The following MKLN1 variants were observed in gnomAD, a reference collection of about 807,000 sequenced individuals.
MKLN1 encodes the protein muskelin.
A neutral mutation model predicts 99.0 loss-of-function variants in MKLN1; 18 were observed. The observed-to-expected ratio is 0.18, with a 90% confidence interval of 0.13 to 0.27. The LOEUF (loss-of-function observed/expected upper bound fraction) is 0.27, where lower values mean the gene tolerates loss of function less well. Ranked by LOEUF, MKLN1 falls within the 10% of genes least tolerant of loss-of-function variation. MKLN1 has a pLI of 1.00. For synonymous variants in MKLN1, 288 were observed against 293.2 expected (o/e 0.98, Z 0.18); for missense variants, 621 against 875.9 (o/e 0.71, Z 3.67).
At chr7:131,340,418 A>G (rs1799374878) in intron 1 of MKLN1, among the ~76,000 whole-genome samples, 1 of 151,376 alleles carries the variant, frequency 6.6e-6, no homozygotes, top group South Asian at 2.1e-4. Context: ...AGCTGGGACT[A>G]CAGGTGCGCA....
rs981877757 is a variant in MKLN1 at position 131,494,454 on chromosome 7, A to G, written c.*6726A>G. 3 of 152,016 alleles carry G rather than the reference A, an allele frequency of 2.0e-5. No homozygotes were observed. The highest frequency in any genetic ancestry group is 7.3e-5 in the African/African-American group (3 of 41,290). The allele number at this position is 152,016 out of a possible 1,614,324, so 9.4% of individuals were successfully genotyped here. ...TGCCTCAAATAATACCAAGTTATAAATAATACCAAGTAATTATCAACTCAC... is the reference window on the plus strand; with the variant it reads ...TGCCTCAAATAATACCAAGTTATAAGTAATACCAAGTAATTATCAACTCAC... On this transcript the variant is annotated 3_prime_UTR_variant, in exon 18 of 18. Coordinates refer to ENST00000352689, the MANE Select transcript of MKLN1 (RefSeq NM_013255.5).
At chr7:131,461,050 C>G (rs1042595780) in intron 12 of MKLN1, among the ~76,000 whole-genome samples, 1 of 152,140 alleles carries the variant, frequency 6.6e-6, no homozygotes, top group Non-Finnish European at 1.5e-5. Context: ...TCCAGGACCT[C>G]TCTTGGATAC....
At chr7:131,318,665 G>C (rs949705865) in intron 3 of MKLN1, among the ~76,000 whole-genome samples, 2 of 151,962 alleles carry the variant, frequency 1.3e-5, no homozygotes, top group Non-Finnish European at 2.9e-5. Flanking sequence ...TGAATCCAGA[G>C]GTAGTTTTTT....
At chr7:131,414,573 T>C in intron 7 of MKLN1, 72 bp from the exon 8 acceptor site, 2 of 1,060,476 alleles carry the variant, frequency 1.9e-6, no homozygotes, top group Non-Finnish European at 2.8e-6. Flanking sequence ...GATTACAGAC[T>C]TATGAATAAA....
At chr7:131,188,179 A>G (rs2116375527) in intron 2 of MKLN1, among the ~76,000 whole-genome samples, 1 of 152,330 alleles carries the variant, frequency 6.6e-6, no homozygotes, top group South Asian at 2.1e-4. Flanking sequence ...GAATAAATAA[A>G]TAAACATAGT....
At chr7:131,484,436 C>T (rs1330189618) in intron 17 of MKLN1, among the ~76,000 whole-genome samples, 1 of 152,012 alleles carries the variant, frequency 6.6e-6, no homozygotes, top group East Asian at 1.9e-4. Flanking sequence ...TAGTAATAAC[C>T]TTAAGATTAT....
At chr7:131,314,780 A>T (rs2116647285) in intron 3 of MKLN1, among the ~76,000 whole-genome samples, 1 of 152,082 alleles carries the variant, frequency 6.6e-6, no homozygotes, top group East Asian at 1.9e-4. Flanking sequence ...AAGAAAAATA[A>T]AAAAATAGAA....
At chr7:131,477,633 CT>C (rs1406202537) in intron 16 of MKLN1, among the ~76,000 whole-genome samples, 1 of 152,194 alleles carries the variant, frequency 6.6e-6, no homozygotes, top group African/African-American at 2.4e-5. Context: ...TTTATCCCCC[CT>C]TTTCATAACT....
At chr7:131,346,582 C>CA (rs1012732882) in intron 1 of MKLN1, among the ~76,000 whole-genome samples, 3 of 150,916 alleles carry the variant, frequency 2.0e-5, no homozygotes, top group African/African-American at 7.3e-5. Flanking sequence ...ACCTTTGCAA[C>CA]AATTATAAGG....
intron 16 of MKLN1, among the ~76,000 whole-genome samples, chr7:131,477,818 A>G (rs957872343): frequency 4.6e-5 from 7 of 152,360 alleles, no homozygotes; most frequent in African/African-American, 1.7e-4. Context: ...AGTCTTGGGA[A>G]GTGCCAAGTA....
intron 1 of MKLN1, among the ~76,000 whole-genome samples, chr7:131,351,806 G>A (rs1250671404): frequency 1.3e-5 from 2 of 152,166 alleles, no homozygotes; most frequent in African/African-American, 2.4e-5. Flanking sequence ...ATGTGGTGGT[G>A]ACAACTTTTT....
At chr7:131,247,361 A>G (rs1966521) in intron 3 of MKLN1, among the ~76,000 whole-genome samples, 29,957 of 151,384 alleles carry the variant, frequency 0.2, 3,180 homozygotes, top group East Asian at 0.45. Flanking sequence ...TTACAGGCAC[A>G]CGCACCACCA....
At chr7:131,313,400 T>C (rs1798605143) in intron 3 of MKLN1, among the ~76,000 whole-genome samples, 2 of 151,960 alleles carry the variant, frequency 1.3e-5, no homozygotes, top group Non-Finnish European at 2.9e-5. Context: ...TGAACTGAGG[T>C]AAGAAAAACA....
chr7:131,209,085 G>T (rs1376397360), intron 3 of MKLN1, among the ~76,000 whole-genome samples: 2 of 152,174 alleles, frequency 1.3e-5, no homozygotes, highest in Non-Finnish European at 2.9e-5. Flanking sequence ...AGAACAGAAG[G>T]TTCCGACATC....
intron 3 of MKLN1, among the ~76,000 whole-genome samples, chr7:131,299,916 C>T (rs1798350854): frequency 6.6e-6 from 1 of 151,930 alleles, no homozygotes. Flanking sequence ...TTTCCAAAGT[C>T]AATATACTAG....
chr7:131,274,816 T>C (rs1797936538), intron 3 of MKLN1, among the ~76,000 whole-genome samples: 1 of 152,152 alleles, frequency 6.6e-6, no homozygotes, highest in Non-Finnish European at 1.5e-5. Context: ...CTCAGTTTCC[T>C]GCTATGTGAT....
intron 2 of MKLN1, among the ~76,000 whole-genome samples, chr7:131,183,299 G>A (rs1796401483): frequency 6.6e-6 from 1 of 152,142 alleles, no homozygotes. Flanking sequence ...CTGAAAATGA[G>A]GAAATGGCAA....
At chr7:131,446,761 A>AAAAC (rs1320932601) in intron 12 of MKLN1, among the ~76,000 whole-genome samples, 2 of 152,226 alleles carry the variant, frequency 1.3e-5, no homozygotes, top group Non-Finnish European at 2.9e-5. Context: ...AACTTGTTTT[A>AAAAC]AAACAAACAA....
At chr7:131,139,443 G>A (rs1795699437) in intron 1 of MKLN1, among the ~76,000 whole-genome samples, 1 of 151,906 alleles carries the variant, frequency 6.6e-6, no homozygotes, top group South Asian at 2.1e-4. Flanking sequence ...TGCAGTTATA[G>A]TCATCTGCTT....
Sources: gnomAD v4.1 joint callset for allele counts (sites outside exome capture counted in the v4.1 genomes callset) on GRCh38, gnomAD v4.1.1 for gene constraint, MANE v1.5 for transcripts, NCBI Gene and HGNC (gene_info 2026-07-23, HGNC 2026-07-21) for gene names.